CFAP45: variants seen among roughly 807,000 people sequenced by gnomAD.
CFAP45 encodes the protein cilia and flagella associated protein 45.
In CFAP45, 43 loss-of-function variants were observed where a neutral mutation model predicts 75.6. The observed-to-expected ratio is 0.57, with a 90% CI of 0.45 to 0.73. The LOEUF (loss-of-function observed/expected upper bound fraction) is 0.73. Among genes scored for constraint, CFAP45 ranks in the 30% least tolerant of loss-of-function variants. CFAP45 has a pLI of 0.00. For missense variants in CFAP45, 689 were observed against 701.5 expected (o/e 0.98, Z 0.20); for synonymous variants, 223 against 244.6 (o/e 0.91, Z 0.82).
Position 159,883,391 on chromosome 1 carries a change from T to C in CFAP45, c.897+1045A>G, listed in dbSNP as rs564568823. Among the ~76,000 whole-genome samples, 205 of 152,234 alleles carry C rather than the reference T, an allele frequency of 1.3e-3. 1 individual carries two copies. The highest frequency in any genetic ancestry group is 4.7e-3 in the African/African-American group (195 of 41,528). On this transcript the variant is annotated intron_variant, in intron 7 of 11. Transcript: ENST00000368099. ...GTGCAAACCTTGATTAACGTCTAGTTTGGAAACAAGAGAGCCAGAAATACA... is the reference window on the plus strand; with the variant it reads ...GTGCAAACCTTGATTAACGTCTAGTCTGGAAACAAGAGAGCCAGAAATACA...
At position 159,890,627 on chromosome 1, in the gene CFAP45, G is replaced by T; in HGVS notation, c.130-5C>A. On this transcript the variant is annotated splice_region_variant and splice_polypyrimidine_tract_variant and intron_variant, in intron 2 of 11. Coordinates refer to ENST00000368099, the MANE Select transcript of CFAP45 (RefSeq NM_012337.3). ...GCTCTGGCCCTGGGCTGGGGACTAT[G>T]AGTTCAGAAAGAATAGCTTAGAAGC... The T allele has an allele frequency of 6.2e-7, 1 of 1,613,982 alleles. No homozygotes were observed. Among genetic ancestry groups the T allele is most frequent in the South Asian group, 1.1e-5 (1 of 91,062 alleles).
intron 3 of CFAP45, 90 bp downstream of exon 3, chr1:159,890,390 G>A (rs1649796094): frequency 7.9e-7 from 1 of 1,257,910 alleles, no homozygotes; most frequent in African/African-American, 1.5e-5. Context: ...CTGACAGAAT[G>A]AAACCAGGTG....
rs377446208 is a variant in CFAP45 at position 159,877,354 on chromosome 1, C to T, written c.1153G>A (p.Glu385Lys). The T allele has an allele frequency of 6.8e-6, 11 of 1,606,460 alleles. No homozygotes were observed. The highest frequency in any genetic ancestry group is 1.7e-5 in the Admixed American group (1 of 60,004). The change falls in exon 9 of 12, where the codon GAA becomes AAA. Residue 385 changes from glutamate (E) to lysine (K), a missense_variant. Glu to Lys is a moderately conservative substitution (Grantham distance 56). Coordinates refer to ENST00000368099, the MANE Select transcript of CFAP45 (RefSeq NM_012337.3). ...AGTCGAGACTAAGCAGGTACCTGTTCTGCCTGGTAATCCTGGGCCTTCTCC... is the reference window on the plus strand; with the variant it reads ...AGTCGAGACTAAGCAGGTACCTGTTTTGCCTGGTAATCCTGGGCCTTCTCC... ...MQEKAQDYQAEQDALRAKRNQ... is the reference protein window; with the variant it reads ...MQEKAQDYQAKQDALRAKRNQ...
intron 8 of CFAP45, among the ~76,000 whole-genome samples, chr1:159,878,769 A>AAAAAAAAAAAC: frequency 7.0e-6 from 1 of 141,870 alleles, no homozygotes; most frequent in Admixed American, 7.1e-5. Context: ...AAAAAAAAAA[A>AAAAAAAAAAAC]AAAAAAAAAA....
chr1:159,895,749 C>T (rs1649938748), intron 1 of CFAP45, among the ~76,000 whole-genome samples: 1 of 152,046 alleles, frequency 6.6e-6, no homozygotes, highest in Non-Finnish European at 1.5e-5. Context: ...CCCCTTTCCA[C>T]CAAAAATAGA....
chr1:159,878,776 A>C (rs1376208697), intron 8 of CFAP45, among the ~76,000 whole-genome samples: 1 of 134,926 alleles, frequency 7.4e-6, no homozygotes, highest in Non-Finnish European at 1.6e-5. Flanking sequence ...AAAAAAAAAA[A>C]AAAAAACCTT....
At chr1:159,876,805 A>C (rs749684315) in intron 9 of CFAP45, 56 bp from the exon 10 acceptor site, 1 of 1,577,738 alleles carries the variant, frequency 6.3e-7, no homozygotes, top group Admixed American at 1.7e-5. Flanking sequence ...AGTACAGACC[A>C]AGTGGCTTTA....
chr1:159,876,675 C>T lies in CFAP45; in HGVS notation c.1233G>A (p.Arg411=), dbSNP rs949956299. 6.2e-7 allele frequency: 1 copy of T among 1,614,112 alleles called. No homozygotes were observed. The highest frequency in any genetic ancestry group is 1.3e-5 in the African/African-American group (1 of 74,940). ...GCTCAGCCTCTGTTTCCATCTTCTTCCGCGCATTTTCCTTTTCCTTTCTGC... is the reference window on the plus strand; with the variant it reads ...GCTCAGCCTCTGTTTCCATCTTCTTTCGCGCATTTTCCTTTTCCTTTCTGC... The part of the protein sequence containing the change: ...EWRRKEKENA[R]KKMETEAELR... Residue 411 remains arginine, a synonymous_variant, in exon 10 of 12, where the codon CGG becomes CGA. Coordinates refer to ENST00000368099, the MANE Select transcript of CFAP45 (RefSeq NM_012337.3).
intron 1 of CFAP45, 166 bp downstream of exon 1, chr1:159,899,930 G>C: frequency 1.5e-6 from 1 of 655,756 alleles, no homozygotes; most frequent in Non-Finnish European, 2.6e-6. Flanking sequence ...TTCCTCTTTT[G>C]AACCCACCTC....
intron 7 of CFAP45, among the ~76,000 whole-genome samples, chr1:159,881,487 C>G (rs929263234): frequency 6.6e-6 from 1 of 152,238 alleles, no homozygotes; most frequent in African/African-American, 2.4e-5. Context: ...TGTGTTCGCT[C>G]TGCCCCAGTT....
intron 3 of CFAP45, 106 bp downstream of exon 3, chr1:159,890,374 A>C: frequency 9.9e-7 from 1 of 1,011,110 alleles, no homozygotes; most frequent in Non-Finnish European, 1.5e-6. Flanking sequence ...AGAAGTGGGG[A>C]TTGGACTGAC....
intron 10 of CFAP45, among the ~76,000 whole-genome samples, chr1:159,873,784 A>G (rs1385186251): frequency 6.7e-6 from 1 of 149,690 alleles, no homozygotes; most frequent in Non-Finnish European, 1.5e-5. Context: ...CTTCTCCCTG[A>G]TAACAATGTA....
intron 10 of CFAP45, among the ~76,000 whole-genome samples, chr1:159,874,382 A>G (rs773743022): frequency 6.6e-6 from 1 of 152,166 alleles, no homozygotes; most frequent in Non-Finnish European, 1.5e-5. Flanking sequence ...AACTCTTTCC[A>G]TCATGCAAAC....
Position 159,873,082 on chromosome 1 carries a change from C to G in CFAP45, c.1439G>C (p.Arg480Pro), listed in dbSNP as rs147644439. Residue 480 changes from arginine (R) to proline (P), a missense_variant, in exon 11 of 12, where the codon CGC becomes CCC. Transcript: ENST00000368099. Reference sequence around the variant, plus strand: ...CTTCTGCTGGTTCTCGCGCACCTGGCGCCGGAGCTCATTGGCATGCTGTAA... The same window carrying G: ...CTTCTGCTGGTTCTCGCGCACCTGGGGCCGGAGCTCATTGGCATGCTGTAA... The part of the protein sequence containing the change: ...GRLQHANELR[R>P]QVRENQQKEV... 1.2e-6 allele frequency: 2 copies of G among 1,614,220 alleles called. No homozygotes were observed. Among genetic ancestry groups the G allele is most frequent in the Non-Finnish European group, 1.7e-6 (2 of 1,180,036 alleles).
At chr1:159,894,641 C>T (rs937876086) in intron 1 of CFAP45, among the ~76,000 whole-genome samples, 2 of 152,170 alleles carry the variant, frequency 1.3e-5, no homozygotes, top group African/African-American at 4.8e-5. Flanking sequence ...CATTTTTTAA[C>T]CCCCTACTAA....
intron 10 of CFAP45, chr1:159,876,156 C>T (rs1258653317): frequency 4.3e-6 from 1 of 231,718 alleles, no homozygotes; most frequent in Non-Finnish European, 8.6e-6. Flanking sequence ...GCTCCAGTGA[C>T]TCACAACCCT....
rs200733249 is a variant in CFAP45, at chr1:159,887,996, G to T, written c.433C>A (p.Arg145=). ...TCCTTCTGTTTCATGATCTTCTTTC[G>T]TGTCATCACTGCATCCTAAGGGAGA... The part of the protein sequence containing the change: ...KEATMDAVMT[R]KKIMKQKEMV... Residue 145 remains arginine (R), a synonymous_variant, in exon 5 of 12, where the codon CGA becomes AGA. Transcript: ENST00000368099. The T allele has an allele frequency of 1.9e-6, 3 of 1,613,946 alleles. No homozygotes were observed.
intron 6 of CFAP45, among the ~76,000 whole-genome samples, chr1:159,884,946 G>C (rs889654561): frequency 6.6e-6 from 1 of 152,206 alleles, no homozygotes; most frequent in Admixed American, 6.5e-5. Context: ...ATAGTAAAAA[G>C]CCAAACAAAC....
chr1:159,886,484 A>T lies in CFAP45; in HGVS notation c.767+27T>A, dbSNP rs1197603934. Reference sequence around the variant, plus strand: ...AAAGATACATGGAAATAGCTTAGAGAGGGAGATGCCAAAACCACATCTTTA... The same window carrying T: ...AAAGATACATGGAAATAGCTTAGAGTGGGAGATGCCAAAACCACATCTTTA... On this transcript the variant is annotated intron_variant, in intron 6 of 11. Transcript: ENST00000368099. 3 of 1,599,872 alleles carry T rather than the reference A, an allele frequency of 1.9e-6. No homozygotes were observed. In the African/African-American group the frequency reaches 4.0e-5, roughly 21 times the overall value.
Sources: allele counts gnomAD v4.1 joint callset (sites outside exome capture counted in the v4.1 genomes callset), GRCh38; gene constraint gnomAD v4.1.1; transcripts MANE v1.5; gene names NCBI Gene and HGNC (gene_info 2026-07-23, HGNC 2026-07-21).